The following IGFBP5 variants were observed in gnomAD, a reference collection of about 807,000 sequenced individuals.
IGFBP5 encodes the protein insulin-like growth factor-binding protein 5.
A neutral mutation model predicts 28.0 loss-of-function variants in IGFBP5; 12 were observed. The ratio of observed to expected loss-of-function variants is 0.43; its 90% confidence interval spans 0.27 to 0.69. The LOEUF is 0.69. IGFBP5 is among the 30% of genes least tolerant of loss of function. The probability of loss-of-function intolerance (pLI) is 0.20; values close to 1 mark genes in which losing one functional copy is unlikely to be tolerated. For synonymous variants in IGFBP5, 152 were observed against 150.2 expected (o/e 1.01, Z -0.09); for missense variants, 344 against 381.6 (o/e 0.90, Z 0.82).
chr2:216,692,443 C>A lies in IGFBP5; in HGVS notation c.337+1996G>T, dbSNP rs1482847414. Among the ~76,000 whole-genome samples, 1 of 151,968 alleles carries A rather than the reference C, an allele frequency of 6.6e-6. No homozygotes were observed. The highest frequency in any genetic ancestry group is 1.5e-5 in the Non-Finnish European group (1 of 67,996). ...CTCGCCTAGCAATTGCGCGCGCGTG[C>A]GCTCTGCGTGTACACCCTTCACACT... is the stretch of plus-strand genomic sequence containing the variant. On this transcript the variant is annotated intron_variant, in intron 1 of 3. Coordinates refer to ENST00000233813, the MANE Select transcript of IGFBP5 (RefSeq NM_000599.4). The surrounding 1 kb of genome is among the most constrained non-coding windows in gnomAD (Gnocchi z 4.2).
chr2:216,692,305 G>A lies in IGFBP5; in HGVS notation c.337+2134C>T, dbSNP rs944457379. Among the ~76,000 whole-genome samples, 2 of 151,904 alleles carry A rather than the reference G, an allele frequency of 1.3e-5. No homozygotes were observed. Among genetic ancestry groups the A allele is most frequent in the Non-Finnish European group, 2.9e-5 (2 of 67,966 alleles). ...GGCCCAAAGGCACTCAGAAGGTGGG[G>A]GTTGAGCAAGGGGCGGCAGGGAATT... On this transcript the variant is annotated intron_variant, in intron 1 of 3. Coordinates refer to ENST00000233813, the MANE Select transcript of IGFBP5 (RefSeq NM_000599.4). The surrounding 1 kb of genome is among the most constrained non-coding windows in gnomAD (Gnocchi z 4.2).
Position 216,679,840 on chromosome 2 carries a change from T to A in IGFBP5, c.338-761A>T, listed in dbSNP as rs1458743048. Among the ~76,000 whole-genome samples, 1 of 152,168 alleles carries A rather than the reference T, an allele frequency of 6.6e-6. No individual in the cohort carries two copies. Among genetic ancestry groups the A allele is most frequent in the African/African-American group, 2.4e-5 (1 of 41,432 alleles). On this transcript the variant is annotated intron_variant, in intron 1 of 3. Coordinates refer to ENST00000233813, the MANE Select transcript of IGFBP5 (RefSeq NM_000599.4). This position sits in a 1 kb window ranked among gnomAD's most constrained non-coding sequence, Gnocchi z 4.6. ...GGGGCCTGGGAGGCTGGGACGTTACTCAGCTCTGGACTGAGAGAGGCCGAC... is the reference window on the plus strand; with the variant it reads ...GGGGCCTGGGAGGCTGGGACGTTACACAGCTCTGGACTGAGAGAGGCCGAC...
chr2:216,694,623 C>A lies in IGFBP5; in HGVS notation c.153G>T (p.Pro51=), dbSNP rs1275933109. Residue 51 remains proline, a synonymous_variant, in exon 1 of 4, where the codon CCG becomes CCT. Transcript: ENST00000233813. The surrounding 1 kb of genome is among the most constrained non-coding windows in gnomAD (Gnocchi z 5.2). ...CGCAGGTCATGCAGCAGCCGCAGCCCGGCTCCTTGACCAGCTCGCAGCCCA... is the reference window on the plus strand; with the variant it reads ...CGCAGGTCATGCAGCAGCCGCAGCCAGGCTCCTTGACCAGCTCGCAGCCCA... ...SPLGCELVKE[P]GCGCCMTCAL... 1 of 1,538,668 alleles carries A rather than the reference C, an allele frequency of 6.5e-7. No individual in the cohort carries two copies. The highest frequency in any genetic ancestry group is 8.7e-7 in the Non-Finnish European group (1 of 1,144,254).
In IGFBP5 at chr2:216,672,529, GAAAA is replaced by G. The variant is rs1688842831; in HGVS notation, c.*4218_*4221del. The stretch of plus-strand genomic sequence containing the variant: ...TTATTGCTGTCTTCAAAAAAAAAAA[GAAAA>G]AGAAAAACAACAACAACAACAACGA... On this transcript the variant is annotated 3_prime_UTR_variant, in exon 4 of 4. Coordinates refer to ENST00000233813, the MANE Select transcript of IGFBP5 (RefSeq NM_000599.4). 6.6e-6 allele frequency: 1 copy of G among 150,518 alleles called. No homozygotes were observed. Among genetic ancestry groups the G allele is most frequent in the Non-Finnish European group, 1.5e-5 (1 of 67,712 alleles). The allele number at this position is 150,518 out of a possible 1,614,324, so 9.3% of individuals were successfully genotyped here. A position where few individuals can be genotyped will look rare whatever the true frequency, so the allele number is the denominator to read the frequency against.
At position 216,672,980 on chromosome 2, in the gene IGFBP5, A is replaced by G. The variant is rs1574574972; in HGVS notation, c.*3771T>C. 6.5e-6 allele frequency: 1 copy of G among 152,710 alleles called. No homozygotes were observed. The highest frequency in any genetic ancestry group is 2.4e-5 in the African/African-American group (1 of 41,460). The allele number at this position is 152,710 out of a possible 1,614,324, so 9.5% of individuals were successfully genotyped here. ...AACCCCTGTCCCTCGTCCCTCCTCCACTTTGCAAAACGGAGCCTCCTTTCT... is the reference window on the plus strand; with the variant it reads ...AACCCCTGTCCCTCGTCCCTCCTCCGCTTTGCAAAACGGAGCCTCCTTTCT... On this transcript the variant is annotated 3_prime_UTR_variant, in exon 4 of 4. Coordinates refer to ENST00000233813, the MANE Select transcript of IGFBP5 (RefSeq NM_000599.4).
chr2:216,694,834 A>G lies in IGFBP5; in HGVS notation c.-59T>C, dbSNP rs1006546917. 3 of 1,206,392 alleles carry G rather than the reference A, an allele frequency of 2.5e-6. No individual in the cohort carries two copies. Among genetic ancestry groups the G allele is most frequent in the Admixed American group, 3.9e-5 (1 of 25,832 alleles). 74.7% of individuals were successfully genotyped at this position (1,206,392 alleles called of 1,614,324 possible). ...GGCAGGAGAGCGAGAGTGCAGGGAT[A>G]AAGGGGCCAAGAGGGCCCCCGGAGA... On this transcript the variant is annotated 5_prime_UTR_variant, in exon 1 of 4. Coordinates refer to ENST00000233813, the MANE Select transcript of IGFBP5 (RefSeq NM_000599.4). The surrounding 1 kb of genome is among the most constrained non-coding windows in gnomAD (Gnocchi z 5.2).
intron 1 of IGFBP5, among the ~76,000 whole-genome samples, chr2:216,685,688 T>C (rs535335725): frequency 1.4e-4 from 22 of 152,154 alleles, no homozygotes; most frequent in Non-Finnish European, 2.9e-4. Context: ...TTCCCAGCTG[T>C]GGATGTCAAA....
In IGFBP5 at chr2:216,675,316, A is replaced by C. The variant is rs1471262766; in HGVS notation, c.*1435T>G. 6.6e-6 allele frequency: 1 copy of C among 152,482 alleles called. No homozygotes were observed. Among genetic ancestry groups the C allele is most frequent in the Non-Finnish European group, 1.5e-5 (1 of 68,066 alleles). 9.4% of individuals were successfully genotyped at this position (152,482 alleles called of 1,614,324 possible). On this transcript the variant is annotated 3_prime_UTR_variant, in exon 4 of 4. Coordinates refer to ENST00000233813, the MANE Select transcript of IGFBP5 (RefSeq NM_000599.4). ...ATGGAGAGTGAGGGAGGCTTCCAAAAATGCACATTCTGTTCAGATGAAAGG... is the reference window on the plus strand; with the variant it reads ...ATGGAGAGTGAGGGAGGCTTCCAAACATGCACATTCTGTTCAGATGAAAGG...
At chr2:216,691,668 C>G (rs1452882110) in intron 1 of IGFBP5, among the ~76,000 whole-genome samples, 1 of 152,104 alleles carries the variant, frequency 6.6e-6, no homozygotes, top group Non-Finnish European at 1.5e-5. Context: ...CCGCCCTCTC[C>G]TTTCCCTCCC....
chr2:216,678,433 G>A (rs2106217599), intron 2 of IGFBP5, among the ~76,000 whole-genome samples: 1 of 152,324 alleles, frequency 6.6e-6, no homozygotes, highest in African/African-American at 2.4e-5. Context: ...CCTTTGGCCA[G>A]GTACGGAGTC....
Position 216,687,615 on chromosome 2 carries a change from GCTT to G in IGFBP5, c.337+6821_337+6823del, listed in dbSNP as rs917693767. On this transcript the variant is annotated intron_variant, in intron 1 of 3. Coordinates refer to ENST00000233813, the MANE Select transcript of IGFBP5 (RefSeq NM_000599.4). ...TCCCTGGCTGAGAATCTCCAGCCAA[GCTT>G]CTTTTGGAGTTGGGGAAGGGGGAGC... 3.3e-5 allele frequency among the ~76,000 whole-genome samples: 5 copies of G among 152,244 alleles called. 1 individual carries two copies. The highest frequency in any genetic ancestry group is 2.0e-4 in the Admixed American group (3 of 15,288).
rs1574574833 is a variant in IGFBP5, at chr2:216,672,714, C to T, written c.*4037G>A. 6.6e-6 allele frequency: 1 copy of T among 152,598 alleles called. No individual in the cohort carries two copies. The highest frequency in any genetic ancestry group is 1.9e-4 in the East Asian group (1 of 5,194). 9.5% of individuals were successfully genotyped at this position (152,598 alleles called of 1,614,324 possible). On this transcript the variant is annotated 3_prime_UTR_variant, in exon 4 of 4. Coordinates refer to ENST00000233813, the MANE Select transcript of IGFBP5 (RefSeq NM_000599.4). ...TGAGCGGGCACAGGGAAGCTGGGGT[C>T]CCCTTCCCCTCGGACCCTCCCCACC... is the stretch of plus-strand genomic sequence containing the variant.
rs138903870 is a variant in IGFBP5 at position 216,682,661 on chromosome 2, A to T, written c.338-3582T>A. 1.5e-4 allele frequency among the ~76,000 whole-genome samples: 23 copies of T among 151,886 alleles called. No homozygotes were observed. In the East Asian group the frequency reaches 4.1e-3, roughly 27 times the overall value. On this transcript the variant is annotated intron_variant, in intron 1 of 3. Coordinates refer to ENST00000233813, the MANE Select transcript of IGFBP5 (RefSeq NM_000599.4). ...CCATGTGGCCAGCAGAGGGCGTGGG[A>T]GACTGACACCCACACAGCATGGGCA...
intron 3 of IGFBP5, 60 bp downstream of exon 3, chr2:216,678,052 T>G (rs1208906477): frequency 1.5e-5 from 20 of 1,362,630 alleles, no homozygotes; most frequent in Non-Finnish European, 1.9e-5. Context: ...AAGGTGGAGT[T>G]TCCTGGCAGG....
Position 216,675,670 on chromosome 2 carries a change from G to T in IGFBP5, c.*1081C>A, listed in dbSNP as rs991115873. 2 of 152,138 alleles carry T rather than the reference G, an allele frequency of 1.3e-5. No individual in the cohort carries two copies. The highest frequency in any genetic ancestry group is 2.9e-5 in the Non-Finnish European group (2 of 68,028). The allele number at this position is 152,138 out of a possible 1,614,324, so 9.4% of individuals were successfully genotyped here. ...TTCTCAGTTTTCCCAGAATGAGGAA[G>T]CTCCTCAATGCCCCTATAGGAACTA... On this transcript the variant is annotated 3_prime_UTR_variant, in exon 4 of 4. Coordinates refer to ENST00000233813, the MANE Select transcript of IGFBP5 (RefSeq NM_000599.4).
Position 216,675,888 on chromosome 2 carries a change from A to T in IGFBP5, c.*863T>A, listed in dbSNP as rs1231163720. ...CAAATTGAATTAAATGAGGGCTGAAACGGCACGCTTCAGCATGTACTGTAG... is the reference window on the plus strand; with the variant it reads ...CAAATTGAATTAAATGAGGGCTGAATCGGCACGCTTCAGCATGTACTGTAG... On this transcript the variant is annotated 3_prime_UTR_variant, in exon 4 of 4. Coordinates refer to ENST00000233813, the MANE Select transcript of IGFBP5 (RefSeq NM_000599.4). 3 of 152,182 alleles carry T rather than the reference A, an allele frequency of 2.0e-5. No individual in the cohort carries two copies. The highest frequency in any genetic ancestry group is 4.4e-5 in the Non-Finnish European group (3 of 68,014). The allele number at this position is 152,182 out of a possible 1,614,324, so 9.4% of individuals were successfully genotyped here.
intron 1 of IGFBP5, among the ~76,000 whole-genome samples, chr2:216,686,780 C>A (rs1419650787): frequency 6.6e-6 from 1 of 150,748 alleles, no homozygotes; most frequent in Non-Finnish European, 1.5e-5. Context: ...GATTCTCCTG[C>A]CTCAGCCTCT....
rs1308566934 is a variant in IGFBP5 at position 216,692,828 on chromosome 2, T to C, written c.337+1611A>G. On this transcript the variant is annotated intron_variant, in intron 1 of 3. Coordinates refer to ENST00000233813, the MANE Select transcript of IGFBP5 (RefSeq NM_000599.4). This position sits in a 1 kb window ranked among gnomAD's most constrained non-coding sequence, Gnocchi z 4.2. ...CTACCTCTTGCAAAGCTAGAGGGGC[T>C]GGCCCCTGCGCCACTCAAACCCTGC... is the stretch of plus-strand genomic sequence containing the variant. Among the ~76,000 whole-genome samples, 1 of 152,124 alleles carries C rather than the reference T, an allele frequency of 6.6e-6. No individual in the cohort carries two copies. The highest frequency in any genetic ancestry group is 2.4e-5 in the African/African-American group (1 of 41,442).
At chr2:216,681,932 A>T (rs911455590) in intron 1 of IGFBP5, among the ~76,000 whole-genome samples, 16 of 152,266 alleles carry the variant, frequency 1.1e-4, no homozygotes, top group African/African-American at 3.6e-4. Context: ...GGGTAAATTT[A>T]TTTTGACCTC....
Sources: allele counts gnomAD v4.1 joint callset (sites outside exome capture counted in the v4.1 genomes callset), GRCh38; gene constraint gnomAD v4.1.1; non-coding constraint Gnocchi (gnomAD v3.1); transcripts MANE v1.5; gene names NCBI Gene and HGNC (gene_info 2026-07-23, HGNC 2026-07-21).